The following RPS8 variants were observed in gnomAD, a reference collection of about 807,000 sequenced individuals.
The protein encoded by RPS8 is ribosomal protein S8, also known as small ribosomal subunit protein eS8.
For synonymous variants in RPS8, 100 were observed against 100.7 expected (o/e 0.99, Z 0.04); for missense variants, 141 against 269.7 (o/e 0.52, Z 3.34).
rs1402478877 is a variant in RPS8, at chr1:44,776,656, G to A, written c.112-19G>A. ...TGCTCTCCTTGGTAACCTAGTTCCT[G>A]TAACCTTGTGTTTTCCAGATTGGCC... is the stretch of plus-strand genomic sequence containing the variant. On this transcript the variant is annotated intron_variant, in intron 2 of 5. Transcript: ENST00000396651. The A allele has an allele frequency of 3.7e-6, 6 of 1,611,330 alleles. No individual in the cohort carries two copies. Among genetic ancestry groups the A allele is most frequent in the Non-Finnish European group, 5.1e-6 (6 of 1,177,574 alleles).
intron 3 of RPS8, 84 bp downstream of exon 3, chr1:44,776,858 A>C (rs1206084755): frequency 1.9e-6 from 2 of 1,044,264 alleles, no homozygotes; most frequent in Non-Finnish European, 2.8e-6. Context: ...GCGGTGGCTC[A>C]CGCCTATAAG....
chr1:44,777,706 G>C lies in RPS8; in HGVS notation c.304G>C (p.Val102Leu). ...RTKTLVKNCI[V>L]LIDSTPYRQW... is the part of the protein sequence containing the mutation. ...CAAGACCCTGGTGAAGAATTGCATCGTGCTCATCGACAGCACACCGTACCG... is the reference window on the plus strand; with the variant it reads ...CAAGACCCTGGTGAAGAATTGCATCCTGCTCATCGACAGCACACCGTACCG... Residue 102 changes from valine (V) to leucine (L), a missense_variant, in exon 4 of 6, where the codon GTG becomes CTG. Val to Leu is a conservative substitution (Grantham distance 32). Coordinates refer to ENST00000396651, the MANE Select transcript of RPS8 (RefSeq NM_001012.2). 6.2e-7 allele frequency: 1 copy of C among 1,614,004 alleles called. No individual in the cohort carries two copies.
In RPS8 at chr1:44,775,581, C is replaced by T. The variant is rs1315152472; in HGVS notation, c.-16C>T. 3.7e-6 allele frequency: 6 copies of T among 1,614,148 alleles called. No individual in the cohort carries two copies. The highest frequency in any genetic ancestry group is 3.3e-5 in the Admixed American group (2 of 60,024). ...CGTGAATCTTTGCGGTTTCTCTTTC[C>T]AGCCAGCGCCGAGCGATGGGTGAGT... On this transcript the variant is annotated 5_prime_UTR_variant, in exon 1 of 6. Coordinates refer to ENST00000396651, the MANE Select transcript of RPS8 (RefSeq NM_001012.2).
Position 44,778,095 on chromosome 1 carries a change from C to T in RPS8, c.483C>T (p.Leu161=), listed in dbSNP as rs1193028340. 6 of 1,601,754 alleles carry T rather than the reference C, an allele frequency of 3.7e-6. No homozygotes were observed. In the African/African-American group the frequency reaches 5.4e-5, roughly 14 times the overall value. The change falls in exon 5 of 6, where the codon CTC becomes CTT. Residue 161 remains leucine (L), a synonymous_variant. Transcript: ENST00000396651. ...ERKKNAKISS[L]LEEQFQQGKL... ...AAAAGAATGCCAAAATCAGCAGTCT[C>T]CTGGAGGAGCAGTTCCAGCAGGGCA...
At chr1:44,777,891 G>A (rs756099828) in intron 4 of RPS8, 102 bp downstream of exon 4, 37 of 1,577,274 alleles carry the variant, frequency 2.3e-5, no homozygotes, top group Non-Finnish European at 5.2e-6. Context: ...GGAGAGAGAT[G>A]AGAGCCTTTT....
intron 1 of RPS8, 89 bp from the exon 2 acceptor site, chr1:44,775,945 C>A: frequency 2.4e-6 from 3 of 1,252,636 alleles, no homozygotes; most frequent in East Asian, 2.3e-5. Flanking sequence ...GAGCGTGCGA[C>A]CGGCCCGGCG....
At chr1:44,776,182 C>A (rs1464683554) in intron 2 of RPS8, 42 bp downstream of exon 2, 6 of 1,398,560 alleles carry the variant, frequency 4.3e-6, no homozygotes, top group African/African-American at 1.5e-5. Context: ...AGGTCGCCTT[C>A]CCCCGCTCTC....
chr1:44,776,345 T>A (rs1650852030), intron 2 of RPS8: 1 of 676,570 alleles, frequency 1.5e-6, no homozygotes, highest in African/African-American at 1.8e-5. Flanking sequence ...AACCTGGAGC[T>A]TAGGATTTCA....
chr1:44,778,188 T>C, intron 5 of RPS8, 59 bp downstream of exon 5: 1 of 1,582,560 alleles, frequency 6.3e-7, no homozygotes. Context: ...GCCGAGGCAC[T>C]TTTCCCTTGT....
chr1:44,778,314 G>C (rs1650931873), intron 5 of RPS8, 185 bp downstream of exon 5: 1 of 863,262 alleles, frequency 1.2e-6, no homozygotes, highest in South Asian at 1.3e-5. Context: ...GGGAAGCATT[G>C]GGTAGAAGAG....
At chr1:44,776,627 G>A in intron 2 of RPS8, 48 bp from the exon 3 acceptor site, 1 of 1,534,918 alleles carries the variant, frequency 6.5e-7, no homozygotes, top group East Asian at 2.2e-5. Flanking sequence ...TCCCTCACTT[G>A]CCTTGCTCTC....
chr1:44,777,927 T>C, intron 4 of RPS8, 73 bp from the exon 5 acceptor site: 1 of 1,582,662 alleles, frequency 6.3e-7, no homozygotes, highest in Non-Finnish European at 8.7e-7. Flanking sequence ...AGCACTGGGG[T>C]GTGCAGGGTT....
chr1:44,778,342 T>G, intron 5 of RPS8: 1 of 818,534 alleles, frequency 1.2e-6, no homozygotes, highest in Non-Finnish European at 2.2e-6. Context: ...AGGCCCGTGC[T>G]TGGAGTCTTT....
intron 2 of RPS8, chr1:44,776,432 GT>G (rs561947281): frequency 1.3e-5 from 10 of 748,436 alleles, no homozygotes; most frequent in East Asian, 2.5e-5. Context: ...GCCTAGTCTT[GT>G]TTTTTTTACA....
intron 3 of RPS8, chr1:44,777,051 A>C: frequency 3.0e-6 from 1 of 337,134 alleles, no homozygotes. Context: ...GTAGCTGGGG[A>C]GTTCTCTCCA....
chr1:44,777,963 C>A (rs1322108879), intron 4 of RPS8, 37 bp from the exon 5 acceptor site: 3 of 1,612,978 alleles, frequency 1.9e-6, no homozygotes, highest in Non-Finnish European at 2.5e-6. Context: ...GGCCTGCCTT[C>A]CTTCCCTGAG....
chr1:44,778,620 T>C lies in RPS8; in HGVS notation c.562T>C (p.Tyr188His). 1.2e-6 allele frequency: 2 copies of C among 1,613,832 alleles called. No homozygotes were observed. Among genetic ancestry groups the C allele is most frequent in the Non-Finnish European group, 1.7e-6 (2 of 1,179,944 alleles). Residue 188 changes from tyrosine (Y) to histidine (H), a missense_variant, in exon 6 of 6, where the codon TAT (tyrosine) becomes CAT (histidine). Transcript: ENST00000396651. The stretch of plus-strand genomic sequence containing the variant: ...GGGACAGTGTGGCCGAGCAGATGGC[T>C]ATGTGCTAGAGGGCAAAGAGTTGGA... ...RPGQCGRADG[Y>H]VLEGKELEFY...
At position 44,777,725 on chromosome 1, in the gene RPS8, C is replaced by T. The variant is rs1022232205; in HGVS notation, c.323C>T (p.Pro108Leu). 1.2e-6 allele frequency: 2 copies of T among 1,613,982 alleles called. No individual in the cohort carries two copies. Among genetic ancestry groups the T allele is most frequent in the Non-Finnish European group, 8.5e-7 (1 of 1,179,954 alleles). The change falls in exon 4 of 6, where the codon CCG becomes CTG. Residue 108 changes from proline (P) to leucine (L), a missense_variant. Transcript: ENST00000396651. Reference protein sequence around the residue: ...KNCIVLIDSTPYRQWYESHYA... With the variant: ...KNCIVLIDSTLYRQWYESHYA... ...TGCATCGTGCTCATCGACAGCACACCGTACCGACAGTGGTACGAGTCCCAC... is the reference window on the plus strand; with the variant it reads ...TGCATCGTGCTCATCGACAGCACACTGTACCGACAGTGGTACGAGTCCCAC...
intron 5 of RPS8, 68 bp downstream of exon 5, chr1:44,778,197 G>C: frequency 6.3e-7 from 1 of 1,575,598 alleles, no homozygotes; most frequent in Non-Finnish European, 8.6e-7. Context: ...CTTTTCCCTT[G>C]TCTCAGTTCC....
Sources: gnomAD v4.1 joint callset for allele counts on GRCh38, gnomAD v4.1.1 for gene constraint, MANE v1.5 for transcripts, NCBI Gene and HGNC (gene_info 2026-07-23, HGNC 2026-07-21) for gene names.